REEP1: variants seen among roughly 807,000 people sequenced by gnomAD.
REEP1 encodes receptor expression-enhancing protein 1.
A neutral mutation model predicts 40.3 loss-of-function variants in REEP1; 22 were observed. The observed-to-expected ratio is 0.55, with a 90% CI of 0.39 to 0.78. The LOEUF (loss-of-function observed/expected upper bound fraction) is 0.78. REEP1 is among the 30% of genes least tolerant of loss of function. REEP1 has a pLI of 0.00. For synonymous variants in REEP1, 116 were observed against 139.2 expected (o/e 0.83, Z 1.17); for missense variants, 280 against 361.1 (o/e 0.78, Z 1.82).
Position 86,329,342 on chromosome 2 carries a change from G to A in REEP1, c.32+8137C>T, listed in dbSNP as rs563720902. On this transcript the variant is annotated intron_variant, in intron 1 of 8. Coordinates refer to ENST00000538924, the MANE Select transcript of REEP1 (RefSeq NM_001371279.1). ...TTAGGGCCGCAGTTTCCAGGCTTGA[G>A]GGTGGGGCCTTTGCCAGGGAACTGC... 5.3e-5 allele frequency among the ~76,000 whole-genome samples: 8 copies of A among 152,326 alleles called. No homozygotes were observed. The East Asian group carries it at 1.5e-3, about 29-fold the overall frequency.
chr2:86,328,356 C>G (rs905412922), intron 1 of REEP1, among the ~76,000 whole-genome samples: 1 of 152,214 alleles, frequency 6.6e-6, no homozygotes, highest in African/African-American at 2.4e-5. Context: ...CTAAATTTTA[C>G]ACTGATCACA....
intron 2 of REEP1, among the ~76,000 whole-genome samples, chr2:86,273,714 A>C (rs1677591481): frequency 6.6e-6 from 1 of 152,106 alleles, no homozygotes. Flanking sequence ...CAGCCCTCAG[A>C]TCTCAGCAAA....
chr2:86,226,138 CCATCAT>C (rs61395687), intron 7 of REEP1, among the ~76,000 whole-genome samples: 2 of 150,194 alleles, frequency 1.3e-5, no homozygotes, highest in Non-Finnish European at 3.0e-5. Flanking sequence ...ACCACCACCA[CCATCAT>C]CATCATCATC....
At chr2:86,315,918 G>C (rs916994872) in intron 1 of REEP1, among the ~76,000 whole-genome samples, 1 of 152,182 alleles carries the variant, frequency 6.6e-6, no homozygotes, top group African/African-American at 2.4e-5. Context: ...AGGGACTTCA[G>C]AGGAAAAGCT....
chr2:86,316,359 T>C (rs1348094093), intron 1 of REEP1, among the ~76,000 whole-genome samples: 1 of 151,184 alleles, frequency 6.6e-6, no homozygotes, highest in Non-Finnish European at 1.5e-5. Flanking sequence ...GCCAACATGA[T>C]GAAACCTCAT....
upstream of REEP1, chr2:86,337,687 G>A: frequency 1.0e-6 from 1 of 991,088 alleles, no homozygotes; most frequent in Non-Finnish European, 1.2e-6. This position sits in a 1 kb window ranked among gnomAD's most constrained non-coding sequence, Gnocchi z 5.8. Flanking sequence ...ACGTTCTGGC[G>A]GCGGCGGCGG....
At chr2:86,254,198 T>C (rs1676425004) in intron 4 of REEP1, among the ~76,000 whole-genome samples, 1 of 152,204 alleles carries the variant, frequency 6.6e-6, no homozygotes, top group Non-Finnish European at 1.5e-5. Context: ...AATTTTAATC[T>C]TTCTTTCTTT....
chr2:86,273,035 G>A (rs1415896371), intron 2 of REEP1, among the ~76,000 whole-genome samples: 2 of 151,716 alleles, frequency 1.3e-5, no homozygotes, highest in African/African-American at 4.8e-5. Context: ...AAGGCAGAAG[G>A]ATCACCTGAA....
intron 1 of REEP1, among the ~76,000 whole-genome samples, chr2:86,334,542 T>C (rs991787910): frequency 6.6e-6 from 1 of 152,136 alleles, no homozygotes; most frequent in Non-Finnish European, 1.5e-5. Context: ...TCATCTTGTG[T>C]CCCTGAGCAA....
At chr2:86,263,436 G>A (rs906359399) in intron 3 of REEP1, among the ~76,000 whole-genome samples, 3 of 151,864 alleles carry the variant, frequency 2.0e-5, no homozygotes, top group Admixed American at 1.3e-4. Context: ...ATGGGGTTTC[G>A]CCATGTTAGC....
At chr2:86,276,416 C>T (rs1348418936) in intron 2 of REEP1, among the ~76,000 whole-genome samples, 1 of 152,186 alleles carries the variant, frequency 6.6e-6, no homozygotes. Context: ...TCAGGGATTA[C>T]CCTTTTCCTT....
chr2:86,327,116 A>T (rs1234793469), intron 1 of REEP1, among the ~76,000 whole-genome samples: 5 of 152,200 alleles, frequency 3.3e-5, no homozygotes, highest in African/African-American at 9.7e-5. Context: ...CCTTCTTGGC[A>T]TTCAATCCTT....
intron 1 of REEP1, among the ~76,000 whole-genome samples, chr2:86,329,932 G>T (rs1680686956): frequency 6.6e-6 from 1 of 152,200 alleles, no homozygotes; most frequent in Non-Finnish European, 1.5e-5. Flanking sequence ...CCAGAGGACA[G>T]AAATCTTTCT....
chr2:86,225,588 A>G (rs1674638507), intron 7 of REEP1, among the ~76,000 whole-genome samples: 1 of 152,246 alleles, frequency 6.6e-6, no homozygotes, highest in Non-Finnish European at 1.5e-5. Context: ...CAGCTCTTCT[A>G]TAAAGGACTT....
chr2:86,222,929 T>C (rs752221615), intron 7 of REEP1, among the ~76,000 whole-genome samples: 3 of 152,166 alleles, frequency 2.0e-5, no homozygotes, highest in Non-Finnish European at 4.4e-5. Context: ...GATCTAAAGA[T>C]TGGTGACCCA....
chr2:86,243,612 C>T (rs1468193109), intron 5 of REEP1, among the ~76,000 whole-genome samples: 1 of 152,208 alleles, frequency 6.6e-6, no homozygotes, highest in East Asian at 1.9e-4. Flanking sequence ...GAATCCAGCA[C>T]ACTGGTAAAA....
rs1166797021 is a variant in REEP1, at chr2:86,216,393, A to G, written c.*646T>C. ...TGTCTGGTCTTTTGACTAAACAACT[A>G]TCTAAAGAATATAGACCACACTCCT... On this transcript the variant is annotated 3_prime_UTR_variant, in exon 9 of 9. Transcript: ENST00000538924. 3 of 152,280 alleles carry G rather than the reference A, an allele frequency of 2.0e-5. No individual in the cohort carries two copies. The highest frequency in any genetic ancestry group is 4.4e-5 in the Non-Finnish European group (3 of 68,094). The allele number at this position is 152,280 out of a possible 1,614,324, so 9.4% of individuals were successfully genotyped here.
chr2:86,217,237 G>A (rs1239351789), intron 8 of REEP1, 127 bp from the exon 9 acceptor site: 2 of 772,224 alleles, frequency 2.6e-6, no homozygotes, highest in Admixed American at 2.0e-5. Flanking sequence ...GCTAGGGCTG[G>A]GGTCTCCCTG....
At chr2:86,251,777 GGGT>G in intron 5 of REEP1, 177 bp downstream of exon 5, 1 of 669,406 alleles carries the variant, frequency 1.5e-6, no homozygotes, top group East Asian at 2.7e-5. Flanking sequence ...GTGTGTTGGG[GGGT>G]GAGAATTTTC....
Sources: gnomAD v4.1 joint callset for allele counts (sites outside exome capture counted in the v4.1 genomes callset) on GRCh38, gnomAD v4.1.1 for gene constraint, Gnocchi (gnomAD v3.1) non-coding constraint, MANE v1.5 for transcripts, NCBI Gene and HGNC (gene_info 2026-07-23, HGNC 2026-07-21) for gene names.